Variants in SNTG1 observed in about 807,000 individuals in gnomAD.
SNTG1 encodes the protein syntrophin gamma 1.
In SNTG1, 39 loss-of-function variants were observed where a neutral mutation model predicts 74.7. That is an observed-to-expected ratio of 0.52 (90% CI 0.40 to 0.68). SNTG1 has a LOEUF of 0.68. Ranked by LOEUF, SNTG1 falls within the 30% of genes least tolerant of loss-of-function variation. The pLI, the probability that SNTG1 is intolerant of heterozygous loss-of-function variation, is 0.00. For missense variants in SNTG1, 685 were observed against 609.5 expected (o/e 1.12, Z -1.30); for synonymous variants, 254 against 217.1 (o/e 1.17, Z -1.49).
At chr8:50,598,392 G>A (rs892117329) in intron 13 of SNTG1, among the ~76,000 whole-genome samples, 9 of 151,874 alleles carry the variant, frequency 5.9e-5, no homozygotes, top group African/African-American at 2.2e-4. Flanking sequence ...TTGGCTATAA[G>A]TGTATTGATT....
chr8:50,354,611 A>G (rs1443713715), intron 2 of SNTG1, among the ~76,000 whole-genome samples: 2 of 152,250 alleles, frequency 1.3e-5, no homozygotes, highest in East Asian at 3.9e-4. Flanking sequence ...TTATTGTCTT[A>G]TAACAAATTA....
intron 17 of SNTG1, among the ~76,000 whole-genome samples, chr8:50,722,401 C>T (rs1201742868): frequency 1.3e-5 from 2 of 151,990 alleles, no homozygotes; most frequent in Non-Finnish European, 2.9e-5. Flanking sequence ...ATTCTGAACT[C>T]CTGACCTCAA....
intron 1 of SNTG1, among the ~76,000 whole-genome samples, chr8:49,942,638 G>T (rs117607088): frequency 6.6e-6 from 1 of 151,814 alleles, no homozygotes; most frequent in Non-Finnish European, 1.5e-5. Flanking sequence ...TTTTATTTTC[G>T]GTGACCTTGA....
chr8:50,554,149 C>T (rs2094442372), intron 12 of SNTG1, among the ~76,000 whole-genome samples: 1 of 152,126 alleles, frequency 6.6e-6, no homozygotes, highest in African/African-American at 2.4e-5. Flanking sequence ...GCCACTATAC[C>T]TTTCTAAAAC....
intron 15 of SNTG1, among the ~76,000 whole-genome samples, chr8:50,660,121 T>A (rs1411304835): frequency 1.3e-5 from 2 of 151,802 alleles, no homozygotes; most frequent in African/African-American, 4.8e-5. Flanking sequence ...ATTACAGGCA[T>A]GAGCCACCGC....
chr8:50,208,522 A>T (rs1410607272), intron 2 of SNTG1, among the ~76,000 whole-genome samples: 1 of 152,102 alleles, frequency 6.6e-6, no homozygotes, highest in East Asian at 1.9e-4. Flanking sequence ...CCAATTTACC[A>T]TTCTGTGTCT....
intron 6 of SNTG1, among the ~76,000 whole-genome samples, chr8:50,450,252 G>A (rs1255159698): frequency 1.3e-5 from 2 of 152,172 alleles, no homozygotes; most frequent in East Asian, 3.9e-4. Context: ...CATTTTCACA[G>A]AGACCTAATA....
chr8:50,094,637 C>A (rs895547594), intron 1 of SNTG1, among the ~76,000 whole-genome samples: 2 of 152,094 alleles, frequency 1.3e-5, no homozygotes, highest in African/African-American at 4.8e-5. Context: ...CAGTGAGATG[C>A]CTTCACACCA....
intron 18 of SNTG1, among the ~76,000 whole-genome samples, chr8:50,763,233 C>A (rs1336018712): frequency 1.3e-5 from 2 of 151,870 alleles, no homozygotes; most frequent in Non-Finnish European, 2.9e-5. Flanking sequence ...GTTCGTTTGG[C>A]TTTTTCCTTG....
intron 15 of SNTG1, among the ~76,000 whole-genome samples, chr8:50,702,275 A>G (rs1033746592): frequency 9.9e-5 from 15 of 152,146 alleles, no homozygotes; most frequent in African/African-American, 3.6e-4. Context: ...AGTATTTATA[A>G]TTTATCATTA....
At chr8:50,719,638 G>C (rs2095482986) in intron 17 of SNTG1, among the ~76,000 whole-genome samples, 1 of 152,110 alleles carries the variant, frequency 6.6e-6, no homozygotes, top group African/African-American at 2.4e-5. Flanking sequence ...AATAAAATCT[G>C]TAGGTTAAGA....
At chr8:50,760,016 C>T (rs151274421) in intron 18 of SNTG1, among the ~76,000 whole-genome samples, 3,026 of 151,774 alleles carry the variant, frequency 0.02, 97 homozygotes, top group African/African-American at 0.066. Context: ...CTCTCTTATT[C>T]CCTCGAGCAG....
intron 1 of SNTG1, among the ~76,000 whole-genome samples, chr8:49,966,940 C>A (rs540604676): frequency 6.6e-6 from 1 of 151,758 alleles, no homozygotes; most frequent in Admixed American, 6.6e-5. Flanking sequence ...AAATTTAGTG[C>A]CATATCACAA....
At chr8:50,559,886 A>G (rs1396613248) in intron 12 of SNTG1, among the ~76,000 whole-genome samples, 1 of 152,182 alleles carries the variant, frequency 6.6e-6, no homozygotes, top group African/African-American at 2.4e-5. Context: ...AATCTAATTA[A>G]ACTAAAGAGT....
intron 15 of SNTG1, among the ~76,000 whole-genome samples, chr8:50,703,814 G>A (rs1171468114): frequency 1.3e-5 from 2 of 152,034 alleles, no homozygotes; most frequent in African/African-American, 4.8e-5. Flanking sequence ...GAATTTTTCA[G>A]CTCCCTTATA....
At chr8:50,534,878 G>C (rs1287301153) in intron 10 of SNTG1, among the ~76,000 whole-genome samples, 1 of 152,142 alleles carries the variant, frequency 6.6e-6, no homozygotes, top group Non-Finnish European at 1.5e-5. Context: ...CAAGCACTTA[G>C]TACAAGTAGG....
intron 2 of SNTG1, among the ~76,000 whole-genome samples, chr8:50,251,713 C>A (rs1563800309): frequency 1.3e-5 from 2 of 152,032 alleles, no homozygotes; most frequent in East Asian, 3.9e-4. Context: ...ACAGGTCTAG[C>A]AAGTATTACT....
intron 2 of SNTG1, among the ~76,000 whole-genome samples, chr8:50,355,416 T>C (rs932104754): frequency 4.6e-5 from 7 of 152,186 alleles, no homozygotes; most frequent in Non-Finnish European, 7.3e-5. Context: ...AATGTTCTCC[T>C]ACCACCCCTG....
intron 1 of SNTG1, among the ~76,000 whole-genome samples, chr8:49,948,892 C>T (rs1260198604): frequency 6.6e-6 from 1 of 152,178 alleles, no homozygotes; most frequent in African/African-American, 2.4e-5. Flanking sequence ...CATGGAGAGG[C>T]CCAGTCCACC....
Sources: gnomAD v4.1 joint callset for allele counts (sites outside exome capture counted in the v4.1 genomes callset) on GRCh38, gnomAD v4.1.1 for gene constraint, MANE v1.5 for transcripts, NCBI Gene and HGNC (gene_info 2026-07-23, HGNC 2026-07-21) for gene names.